The following TNS3 variants were observed in gnomAD, a reference collection of about 807,000 sequenced individuals.
TNS3 encodes the protein tensin-3.
A neutral mutation model predicts 140.9 loss-of-function variants in TNS3; 45 were observed. That is an observed-to-expected ratio of 0.32 (90% confidence interval 0.25 to 0.41). The LOEUF is 0.41. Ranked by LOEUF, TNS3 falls within the 10% of genes least tolerant of loss-of-function variation. The probability of loss-of-function intolerance (pLI) is 1.00; values close to 1 mark genes in which losing one functional copy is unlikely to be tolerated. For synonymous variants in TNS3, 815 were observed against 788.4 expected (o/e 1.03, Z -0.56); for missense variants, 1,716 against 1,906.7 (o/e 0.90, Z 1.86).
At chr7:47,426,705 G>A (rs1254666315) in intron 9 of TNS3, among the ~76,000 whole-genome samples, 1 of 152,098 alleles carries the variant, frequency 6.6e-6, no homozygotes, top group African/African-American at 2.4e-5. Context: ...AGAGAAAACA[G>A]AGTTTGTACC....
intron 16 of TNS3, among the ~76,000 whole-genome samples, chr7:47,387,043 GAGTA>G (rs1792116689): frequency 6.6e-6 from 1 of 152,192 alleles, no homozygotes; most frequent in Non-Finnish European, 1.5e-5. Context: ...CTTACAGAGA[GAGTA>G]AGTGACAATT....
intron 1 of TNS3, among the ~76,000 whole-genome samples, chr7:47,537,075 C>G (rs1045328642): frequency 6.6e-6 from 1 of 151,850 alleles, no homozygotes; most frequent in Admixed American, 6.6e-5. Flanking sequence ...CGAACCCTCC[C>G]GGTGGCCCAG....
At chr7:47,308,255 T>A (rs1178929949) in intron 20 of TNS3, among the ~76,000 whole-genome samples, 1 of 152,224 alleles carries the variant, frequency 6.6e-6, no homozygotes, top group Non-Finnish European at 1.5e-5. Context: ...ATCAGCCAAA[T>A]GTTAAATCCA....
intron 2 of TNS3, among the ~76,000 whole-genome samples, chr7:47,521,593 G>C (rs1049646236): frequency 5.3e-5 from 8 of 152,166 alleles, no homozygotes; most frequent in Non-Finnish European, 1.0e-4. Context: ...GAGGGAAAAG[G>C]GCAGATGCTA....
chr7:47,345,124 C>T (rs1305595879), intron 18 of TNS3, 86 bp from the exon 19 acceptor site: 4 of 1,067,668 alleles, frequency 3.7e-6, no homozygotes, highest in Non-Finnish European at 5.6e-6. Flanking sequence ...CTCCCCCAGG[C>T]TGGCCCACTG....
intron 18 of TNS3, 149 bp downstream of exon 18, chr7:47,346,038 T>G (rs1452429010): frequency 9.2e-7 from 1 of 1,086,212 alleles, no homozygotes; most frequent in Non-Finnish European, 1.3e-6. Context: ...CACGACCATA[T>G]TTGTGAAACC....
intron 17 of TNS3, among the ~76,000 whole-genome samples, chr7:47,354,061 C>G (rs1789843403): frequency 6.7e-6 from 1 of 149,940 alleles, no homozygotes; most frequent in South Asian, 2.1e-4. Context: ...AAGAACTGGC[C>G]GTAATGCAAT....
Position 47,363,459 on chromosome 7 carries a change from C to T in TNS3, c.2281+4906G>A, listed in dbSNP as rs1055372578. ...TAATGCAGGATGCACAGAAGTCCCC[C>T]GGAGGAGCACAGGGCAATGCTATTC... On this transcript the variant is annotated intron_variant, in intron 17 of 30. Coordinates refer to ENST00000311160, the MANE Select transcript of TNS3 (RefSeq NM_022748.12). Among the ~76,000 whole-genome samples the T allele has an allele frequency of 5.9e-5, 9 of 152,160 alleles. No homozygotes were observed. The East Asian group carries it at 7.7e-4, about 13-fold the overall frequency.
chr7:47,575,674 G>T (rs933541463), intron 1 of TNS3, among the ~76,000 whole-genome samples: 1 of 151,624 alleles, frequency 6.6e-6, no homozygotes, highest in South Asian at 2.1e-4. Flanking sequence ...AATTAGCCGG[G>T]CAGCCAGGCG....
At chr7:47,512,809 T>C (rs1175092428) in intron 2 of TNS3, among the ~76,000 whole-genome samples, 1 of 152,234 alleles carries the variant, frequency 6.6e-6, no homozygotes, top group Non-Finnish European at 1.5e-5. Context: ...TTGGAAAAGC[T>C]GAAATGAATT....
chr7:47,340,324 T>C (rs1202567303), intron 20 of TNS3, among the ~76,000 whole-genome samples: 1 of 150,632 alleles, frequency 6.6e-6, no homozygotes, highest in Non-Finnish European at 1.5e-5. Flanking sequence ...AGTTTCACCA[T>C]GTTGGCCAGG....
chr7:47,392,657 G>A (rs953405796), intron 16 of TNS3, among the ~76,000 whole-genome samples: 2 of 152,162 alleles, frequency 1.3e-5, no homozygotes, highest in Non-Finnish European at 2.9e-5. Context: ...CCTTTCACCC[G>A]CCAGGCGGCG....
intron 1 of TNS3, among the ~76,000 whole-genome samples, chr7:47,569,271 A>C (rs1800497515): frequency 6.6e-6 from 1 of 152,252 alleles, no homozygotes; most frequent in African/African-American, 2.4e-5. Flanking sequence ...GTCCAGGCGC[A>C]GTGGCTCACG....
intron 20 of TNS3, among the ~76,000 whole-genome samples, chr7:47,305,821 C>A (rs1345810059): frequency 6.6e-6 from 1 of 152,172 alleles, no homozygotes; most frequent in Non-Finnish European, 1.5e-5. Context: ...ATGGACAAAT[C>A]TACCATGGTC....
chr7:47,481,215 T>G, intron 3 of TNS3, 74 bp from the exon 4 acceptor site: 1 of 1,147,620 alleles, frequency 8.7e-7, no homozygotes, highest in Non-Finnish European at 1.2e-6. Context: ...CAAGCCAGGC[T>G]CCCAAAGACT....
At chr7:47,299,770 G>A (rs1388168751) in intron 23 of TNS3, among the ~76,000 whole-genome samples, 1 of 152,204 alleles carries the variant, frequency 6.6e-6, no homozygotes, top group African/African-American at 2.4e-5. Context: ...GTAGGCTGAG[G>A]AGCCTGGTGT....
intron 3 of TNS3, among the ~76,000 whole-genome samples, chr7:47,502,834 G>T (rs1329891935): frequency 6.6e-6 from 1 of 152,176 alleles, no homozygotes; most frequent in East Asian, 1.9e-4. Context: ...TCCTTCTACA[G>T]ACTCAGCAAG....
intron 3 of TNS3, among the ~76,000 whole-genome samples, chr7:47,504,587 C>T (rs978738382): frequency 6.6e-6 from 1 of 152,166 alleles, no homozygotes; most frequent in African/African-American, 2.4e-5. Context: ...CTGAGTGCAG[C>T]GTCTAAGGAG....
At chr7:47,573,528 T>C (rs1216330940) in intron 1 of TNS3, among the ~76,000 whole-genome samples, 1 of 152,254 alleles carries the variant, frequency 6.6e-6, no homozygotes, top group Non-Finnish European at 1.5e-5. Flanking sequence ...CCTTTGCTAC[T>C]CCAGAACACA....
Sources: gnomAD v4.1 joint callset for allele counts (sites outside exome capture counted in the v4.1 genomes callset) on GRCh38, gnomAD v4.1.1 for gene constraint, MANE v1.5 for transcripts, NCBI Gene and HGNC (gene_info 2026-07-23, HGNC 2026-07-21) for gene names.